Variants in ANKRD44 observed in about 807,000 individuals in gnomAD.
ANKRD44 encodes the protein serine/threonine-protein phosphatase 6 regulatory ankyrin repeat subunit B.
A neutral mutation model predicts 116.0 loss-of-function variants in ANKRD44; 35 were observed. The ratio of observed to expected loss-of-function variants is 0.30; its 90% CI spans 0.23 to 0.40. The LOEUF (loss-of-function observed/expected upper bound fraction) is 0.40, where lower values mean the gene tolerates loss of function less well. Among genes scored for constraint, ANKRD44 ranks in the 10% least tolerant of loss-of-function variants. ANKRD44 has a pLI of 1.00. For missense variants in ANKRD44, 1,014 were observed against 1,242.6 expected, an observed-to-expected ratio of 0.82 and a Z score of 2.77; for synonymous variants, 435 against 461.8, an observed-to-expected ratio of 0.94 and a Z score of 0.74.
intron 21 of ANKRD44, among the ~76,000 whole-genome samples, chr2:196,968,675 G>A (rs1391333150): frequency 1.3e-5 from 2 of 152,116 alleles, no homozygotes; most frequent in Non-Finnish European, 2.9e-5. Flanking sequence ...TCTGGGACTT[G>A]TACATGGACA....
chr2:197,287,209 C>T (rs1452352377), intron 1 of ANKRD44, among the ~76,000 whole-genome samples: 7 of 152,068 alleles, frequency 4.6e-5, no homozygotes, highest in African/African-American at 1.7e-4. Flanking sequence ...ACTCTCTGTA[C>T]TTTCTGCTCA....
chr2:197,183,024 G>T (rs1184540158), intron 2 of ANKRD44, among the ~76,000 whole-genome samples: 1 of 152,186 alleles, frequency 6.6e-6, no homozygotes, highest in Non-Finnish European at 1.5e-5. Context: ...ACATGGAATT[G>T]GAAGGGTGGA....
intron 3 of ANKRD44, 118 bp from the exon 4 acceptor site, chr2:197,136,780 C>T (rs573700637): frequency 8.7e-6 from 7 of 802,934 alleles, no homozygotes; most frequent in Non-Finnish European, 1.5e-5. Flanking sequence ...CTCTTCTTTT[C>T]TTTGTATTAG....
chr2:197,217,658 A>G (rs1414587368), intron 1 of ANKRD44, among the ~76,000 whole-genome samples: 1 of 152,216 alleles, frequency 6.6e-6, no homozygotes, highest in Non-Finnish European at 1.5e-5. Flanking sequence ...GTGCAGAGCT[A>G]TAACGGTTCT....
At chr2:197,019,714 G>A (rs74655527) in intron 17 of ANKRD44, among the ~76,000 whole-genome samples, 12,148 of 152,190 alleles carry the variant, frequency 0.08, 615 homozygotes, top group African/African-American at 0.14. Context: ...ACAAATAATA[G>A]AGGATGGTAT....
intron 1 of ANKRD44, among the ~76,000 whole-genome samples, chr2:197,206,809 A>C (rs886329844): frequency 6.6e-6 from 1 of 152,130 alleles, no homozygotes; most frequent in African/African-American, 2.4e-5. Context: ...CTCCATCATC[A>C]ATTGTCAAAG....
intron 1 of ANKRD44, chr2:197,199,021 C>T (rs1003220433): frequency 1.3e-5 from 2 of 152,216 alleles, no homozygotes; most frequent in African/African-American, 4.8e-5. Context: ...AGCTCCTTCT[C>T]TCTTGTGGCT....
chr2:197,294,713 A>G (rs1300937882), intron 1 of ANKRD44, among the ~76,000 whole-genome samples: 3 of 152,190 alleles, frequency 2.0e-5, no homozygotes, highest in African/African-American at 7.2e-5. Context: ...ATTTATTTTT[A>G]ATTGTATAAT....
At chr2:197,143,838 A>G (rs926542402) in intron 3 of ANKRD44, among the ~76,000 whole-genome samples, 4 of 152,186 alleles carry the variant, frequency 2.6e-5, no homozygotes, top group Non-Finnish European at 4.4e-5. Flanking sequence ...CATGTTGGCC[A>G]GGCTGGTCTT....
chr2:197,007,472 TA>T lies in ANKRD44; in HGVS notation c.2130+333del, dbSNP rs34003702. ...GATTGTGATTTTCTTCTCTGGGCTT[TA>T]AAAAAAAATATTCTGCAAATTTTCT... is the stretch of plus-strand genomic sequence containing the variant. On this transcript the variant is annotated intron_variant, in intron 20 of 27. Transcript: ENST00000282272. Among the ~76,000 whole-genome samples, 55 of 151,554 alleles carry T rather than the reference TA, an allele frequency of 3.6e-4. 2 individuals carry two copies. Among genetic ancestry groups the T allele is most frequent in the African/African-American group, 2.7e-4 (11 of 41,396 alleles).
chr2:197,176,307 G>T (rs576995596), intron 2 of ANKRD44, among the ~76,000 whole-genome samples: 1 of 152,202 alleles, frequency 6.6e-6, no homozygotes, highest in Admixed American at 6.5e-5. Flanking sequence ...TGCTGTTTTT[G>T]TTGTTTCTCT....
At position 197,001,781 on chromosome 2, in the gene ANKRD44, T is replaced by C; in HGVS notation, c.2407A>G (p.Asn803Asp). 1 of 1,613,506 alleles carries C rather than the reference T, an allele frequency of 6.2e-7. No individual in the cohort carries two copies. The highest frequency in any genetic ancestry group is 2.2e-5 in the East Asian group (1 of 44,852). ...EQKCFRKFIG[N>D]PFTPLHCAII... ...GCACAGTGCAGTGGAGTAAAGGGAT[T>C]ACCGATAAATTTGCGAAAACATTTT... The change falls in exon 22 of 28, where the codon AAT becomes GAT. Residue 803 changes from asparagine to aspartate, a missense_variant. Coordinates refer to ENST00000282272, the MANE Select transcript of ANKRD44 (RefSeq NM_001195144.2).
chr2:197,051,536 G>T lies in ANKRD44; in HGVS notation c.1651-26269C>A, dbSNP rs559065221. On this transcript the variant is annotated intron_variant, in intron 16 of 27. Transcript: ENST00000282272. ...AGCCTCCTGAGTAGCTAGGACTATAGGTGTTACAGGTGCACAACACACACC... is the reference window on the plus strand; with the variant it reads ...AGCCTCCTGAGTAGCTAGGACTATATGTGTTACAGGTGCACAACACACACC... Among the ~76,000 whole-genome samples the T allele has an allele frequency of 2.0e-5, 3 of 152,194 alleles. No homozygotes were observed. The East Asian group carries it at 5.8e-4, about 29-fold the overall frequency.
At chr2:196,981,779 C>T (rs2075802614), downstream of ANKRD44, among the ~76,000 whole-genome samples, 1 of 151,904 alleles carries the variant, frequency 6.6e-6, no homozygotes, top group Non-Finnish European at 1.5e-5. Flanking sequence ...AACTCCATCT[C>T]AAAATAATAA....
chr2:196,970,179 G>C (rs1172851632), intron 21 of ANKRD44, among the ~76,000 whole-genome samples: 1 of 152,158 alleles, frequency 6.6e-6, no homozygotes, highest in African/African-American at 2.4e-5. Flanking sequence ...AACCTCTTCT[G>C]TCTGGAAGAA....
At chr2:197,127,915 G>A (rs556230498) in intron 4 of ANKRD44, among the ~76,000 whole-genome samples, 7 of 152,246 alleles carry the variant, frequency 4.6e-5, no homozygotes, top group South Asian at 4.1e-4. Context: ...GAGGACGTGC[G>A]GTGTTTGGTT....
intron 2 of ANKRD44, among the ~76,000 whole-genome samples, chr2:197,151,988 G>T (rs970970285): frequency 6.6e-6 from 1 of 152,174 alleles, no homozygotes; most frequent in African/African-American, 2.4e-5. Context: ...AACACATCTT[G>T]CCCAGGACTC....
At chr2:197,136,691 A>G (rs1052435451) in intron 3 of ANKRD44, 29 bp from the exon 4 acceptor site, 1 of 1,607,468 alleles carries the variant, frequency 6.2e-7, no homozygotes, top group African/African-American at 1.3e-5. Flanking sequence ...AGTTAGAGGC[A>G]TAATGGGGTC....
At chr2:197,210,741 C>T (rs2697307) in intron 1 of ANKRD44, among the ~76,000 whole-genome samples, 77,513 of 151,914 alleles carry the variant, frequency 0.51, 20,238 homozygotes, top group East Asian at 0.84. Flanking sequence ...CATCCTCCTT[C>T]GGCTCAGATA....
Sources: gnomAD v4.1 joint callset for allele counts (sites outside exome capture counted in the v4.1 genomes callset) on GRCh38, gnomAD v4.1.1 for gene constraint, MANE v1.5 for transcripts, NCBI Gene and HGNC (gene_info 2026-07-23, HGNC 2026-07-21) for gene names.